Variants in AFG1L observed in about 807,000 individuals in gnomAD.
The protein encoded by AFG1L is AFG1 like ATPase.
AFG1L carries 53 observed loss-of-function variants against 62.2 expected under a neutral mutation model. The ratio of observed to expected loss-of-function variants is 0.85; its 90% CI spans 0.68 to 1.07. The LOEUF is 1.07. AFG1L is among the 50% of genes least tolerant of loss of function. AFG1L has a pLI of 0.00. For missense variants in AFG1L, 555 were observed against 590.5 expected (o/e 0.94, Z 0.62); for synonymous variants, 228 against 210.3 (o/e 1.08, Z -0.73).
chr6:108,488,804 A>G (rs997061621), intron 10 of AFG1L, among the ~76,000 whole-genome samples: 5 of 152,080 alleles, frequency 3.3e-5, no homozygotes, highest in African/African-American at 1.2e-4. Flanking sequence ...GGAGGCCAAG[A>G]TTGCGCCATT....
intron 10 of AFG1L, among the ~76,000 whole-genome samples, chr6:108,504,648 T>C (rs895127962): frequency 2.2e-4 from 34 of 152,210 alleles, no homozygotes; most frequent in African/African-American, 7.7e-4. Context: ...ACCAACAGAC[T>C]TGCTTGATGC....
intron 6 of AFG1L, among the ~76,000 whole-genome samples, chr6:108,392,851 C>T (rs939991023): frequency 6.6e-6 from 1 of 151,952 alleles, no homozygotes; most frequent in African/African-American, 2.4e-5. Context: ...TACTCTAAAT[C>T]GATATGTATA....
intron 8 of AFG1L, among the ~76,000 whole-genome samples, chr6:108,465,656 ACTGCTGCTGCTG>A (rs10574143): frequency 4.0e-5 from 6 of 150,714 alleles, no homozygotes; most frequent in Non-Finnish European, 7.4e-5. Context: ...TCATAGAGTC[ACTGCTGCTGCTG>A]CTGCTGCTGC....
intron 7 of AFG1L, among the ~76,000 whole-genome samples, chr6:108,411,484 G>A (rs1782108193): frequency 6.6e-6 from 1 of 152,150 alleles, no homozygotes; most frequent in African/African-American, 2.4e-5. Flanking sequence ...CTGACTCCCA[G>A]CCTAACTGGG....
intron 7 of AFG1L, among the ~76,000 whole-genome samples, chr6:108,422,522 G>C (rs11153110): frequency 1.5e-5 from 1 of 68,568 alleles, no homozygotes; most frequent in Non-Finnish European, 2.8e-5. Flanking sequence ...CTCTATTTCA[G>C]AATCTAAAGT....
At position 108,500,171 on chromosome 6, in the gene AFG1L, C is replaced by CGTGTGTGTGTGT. The variant is rs61654685; in HGVS notation, c.1063-10012_1063-10001dup. Among the ~76,000 whole-genome samples, 637 of 135,124 alleles carry CGTGTGTGTGTGT rather than the reference C, an allele frequency of 4.7e-3. 7 individuals carry two copies. The highest frequency in any genetic ancestry group is 0.015 in the Middle Eastern group (4 of 260). 88.6% of individuals were successfully genotyped at this position (135,124 alleles called of 152,430 possible). A position where few individuals can be genotyped will look rare whatever the true frequency, so the allele number is the denominator to read the frequency against. ...GCTGTGTAGTATTCCATGGTGCGTG[C>CGTGTGTGTGTGT]GTGTGTGTGTGTGTGTGTGTGTGTG... On this transcript the variant is annotated intron_variant, in intron 10 of 12. Transcript: ENST00000368977.
chr6:108,360,584 A>G (rs1779486145), intron 5 of AFG1L, among the ~76,000 whole-genome samples: 1 of 152,180 alleles, frequency 6.6e-6, no homozygotes, highest in Admixed American at 6.6e-5. Flanking sequence ...TTTCCTTTAC[A>G]ATTCCAACTT....
intron 7 of AFG1L, among the ~76,000 whole-genome samples, chr6:108,426,981 G>A (rs1174497450): frequency 6.6e-6 from 1 of 151,940 alleles, no homozygotes; most frequent in Non-Finnish European, 1.5e-5. Flanking sequence ...GTTTTGTTTT[G>A]TTGTAAGTTA....
chr6:108,309,720 A>C (rs139302665), intron 1 of AFG1L, among the ~76,000 whole-genome samples: 28 of 152,332 alleles, frequency 1.8e-4, no homozygotes, highest in African/African-American at 6.7e-4. Context: ...TTTCCAATGA[A>C]AATTTAGCTT....
intron 10 of AFG1L, among the ~76,000 whole-genome samples, chr6:108,490,133 G>A (rs1773719263): frequency 6.6e-6 from 1 of 152,202 alleles, no homozygotes; most frequent in Admixed American, 6.5e-5. Flanking sequence ...GGCTGAAGTG[G>A]GTGGATCACA....
intron 1 of AFG1L, among the ~76,000 whole-genome samples, chr6:108,312,468 A>ACCCAGGAGTTGAG (rs1161224891): frequency 6.6e-6 from 1 of 152,060 alleles, no homozygotes; most frequent in Non-Finnish European, 1.5e-5. Context: ...AATCACTTGA[A>ACCCAGGAGTTGAG]CCCAGGAGTT....
chr6:108,493,600 T>G (rs1773851693), intron 10 of AFG1L, among the ~76,000 whole-genome samples: 2 of 152,200 alleles, frequency 1.3e-5, no homozygotes, highest in African/African-American at 2.4e-5. Context: ...AAGGAGCAAC[T>G]TGACTTCTCC....
At chr6:108,348,632 T>G (rs766814286) in intron 3 of AFG1L, among the ~76,000 whole-genome samples, 19 of 152,250 alleles carry the variant, frequency 1.2e-4, no homozygotes, top group Non-Finnish European at 2.6e-4. Flanking sequence ...TAATTGGTAC[T>G]TTTGAGACCA....
intron 3 of AFG1L, among the ~76,000 whole-genome samples, chr6:108,349,805 T>A (rs1479483687): frequency 1.3e-5 from 2 of 152,008 alleles, no homozygotes; most frequent in African/African-American, 4.8e-5. Context: ...TGGTTCCAGC[T>A]ACTCAGTAGG....
chr6:108,435,493 C>G (rs1444941993), intron 7 of AFG1L, among the ~76,000 whole-genome samples: 1 of 152,170 alleles, frequency 6.6e-6, no homozygotes, highest in Non-Finnish European at 1.5e-5. Flanking sequence ...TGAGACCAAC[C>G]TGGGCAGCAA....
At chr6:108,323,801 A>G in intron 1 of AFG1L, 24 bp from the exon 2 acceptor site, 2 of 1,562,022 alleles carry the variant, frequency 1.3e-6, no homozygotes, top group Non-Finnish European at 1.8e-6. Context: ...AAGAAAGTCT[A>G]AAATTTTATG....
intron 6 of AFG1L, among the ~76,000 whole-genome samples, chr6:108,371,800 A>G (rs1372312799): frequency 1.3e-5 from 2 of 152,174 alleles, no homozygotes; most frequent in African/African-American, 4.8e-5. Context: ...ACTCTGGCCC[A>G]GGCTGGAGTG....
chr6:108,409,073 T>C (rs774681411), intron 7 of AFG1L, among the ~76,000 whole-genome samples: 22 of 152,102 alleles, frequency 1.4e-4, no homozygotes, highest in Non-Finnish European at 2.4e-4. Context: ...ATAACGTGAG[T>C]GGAAAAGTAT....
At chr6:108,442,091 C>T (rs1771577305) in intron 7 of AFG1L, among the ~76,000 whole-genome samples, 1 of 151,842 alleles carries the variant, frequency 6.6e-6, no homozygotes, top group Admixed American at 6.6e-5. Context: ...GTAAAGATAG[C>T]TTATGAAAAA....
Sources: gnomAD v4.1 joint callset for allele counts (sites outside exome capture counted in the v4.1 genomes callset) on GRCh38, gnomAD v4.1.1 for gene constraint, MANE v1.5 for transcripts, NCBI Gene and HGNC (gene_info 2026-07-23, HGNC 2026-07-21) for gene names.